Variants in ADGRV1 observed in about 807,000 individuals in gnomAD.
ADGRV1 encodes G-protein coupled receptor 98.
ADGRV1 carries 359 observed loss-of-function variants against 596.2 expected under a neutral mutation model. The ratio of observed to expected loss-of-function variants is 0.60; its 90% CI spans 0.55 to 0.66. ADGRV1 has a LOEUF of 0.66. Ranked by LOEUF, ADGRV1 falls within the 30% of genes least tolerant of loss-of-function variation. ADGRV1 has a pLI of 0.00. For synonymous variants in ADGRV1, 2,681 were observed against 2,679.2 expected (o/e 1.00, Z -0.02); for missense variants, 7,274 against 7,575.6 (o/e 0.96, Z 1.48).
intron 83 of ADGRV1, among the ~76,000 whole-genome samples, chr5:90,957,151 A>G (rs1311418004): frequency 2.0e-5 from 3 of 152,294 alleles, no homozygotes; most frequent in Non-Finnish European, 4.4e-5. Context: ...GCAGGAAAAA[A>G]GTCTTTCCTT....
At chr5:90,988,047 A>G (rs1780639587) in intron 85 of ADGRV1, among the ~76,000 whole-genome samples, 1 of 152,060 alleles carries the variant, frequency 6.6e-6, no homozygotes, top group South Asian at 2.1e-4. Context: ...TTTCTTCTCC[A>G]AGTATTAATA....
chr5:91,105,393 AT>A (rs904202804), intron 87 of ADGRV1, among the ~76,000 whole-genome samples: 1 of 151,882 alleles, frequency 6.6e-6, no homozygotes. Flanking sequence ...TCTATTGGCA[AT>A]TTTTTTTACG....
intron 33 of ADGRV1, 38 bp downstream of exon 33, chr5:90,694,739 T>C (rs1746966538): frequency 6.7e-7 from 1 of 1,485,786 alleles, no homozygotes; most frequent in Non-Finnish European, 9.0e-7. Flanking sequence ...GTTGCCCCAG[T>C]AAAGTCATCA....
At chr5:91,136,535 A>G (rs974337487) in intron 87 of ADGRV1, among the ~76,000 whole-genome samples, 1 of 152,262 alleles carries the variant, frequency 6.6e-6, no homozygotes, top group Non-Finnish European at 1.5e-5. Flanking sequence ...TCAATCAACC[A>G]GGTTAAGGAT....
intron 77 of ADGRV1, among the ~76,000 whole-genome samples, chr5:90,840,245 C>G (rs1765316156): frequency 6.6e-6 from 1 of 152,006 alleles, no homozygotes; most frequent in Non-Finnish European, 1.5e-5. Context: ...TTCCTGCATA[C>G]TTATATTTTA....
At chr5:90,969,905 G>A (rs942131204) in intron 84 of ADGRV1, among the ~76,000 whole-genome samples, 39 of 152,326 alleles carry the variant, frequency 2.6e-4, no homozygotes, top group African/African-American at 7.5e-4. Flanking sequence ...CCCACCGAGC[G>A]TGAGCCGAAG....
chr5:90,920,972 C>T (rs1364527257), intron 83 of ADGRV1, among the ~76,000 whole-genome samples: 1 of 152,066 alleles, frequency 6.6e-6, no homozygotes, highest in Non-Finnish European at 1.5e-5. Context: ...ATTTTGTTAT[C>T]AAATCATGTG....
chr5:90,851,134 T>TGAGAGAGAGAGAGA (rs141999531), intron 79 of ADGRV1, among the ~76,000 whole-genome samples: 2 of 81,510 alleles, frequency 2.5e-5, no homozygotes, highest in African/African-American at 3.7e-5. Context: ...TGTGTGTGTG[T>TGAGAGAGAGAGAGA]GAGAGAGAGA....
chr5:90,965,348 T>G, intron 83 of ADGRV1, 67 bp from the exon 84 acceptor site: 2 of 999,786 alleles, frequency 2.0e-6, no homozygotes, highest in Non-Finnish European at 1.6e-6. Flanking sequence ...AAGAAAGCAG[T>G]TTACTTTCTT....
At position 90,653,760 on chromosome 5, in the gene ADGRV1, C is replaced by G. The variant is rs1768998998; in HGVS notation, c.4186C>G (p.Leu1396Val). Residue 1396 changes from leucine to valine, a missense_variant, in exon 20 of 90, where the codon CTT (leucine) becomes GTT (valine). By Grantham distance (32) the Leu-to-Val change is conservative. Around this residue, in one of 5 missense-constraint regions of ADGRV1, gnomAD observed 1,715 missense variants for 1,708.8 expected, o/e 1.00. Coordinates refer to ENST00000405460, the MANE Select transcript of ADGRV1 (RefSeq NM_032119.4). ...ACAAACAAACGAATCCCATGTGACA[C>G]TTTCCCTTCATTATAAAACCTTGGG... Reference protein sequence around the residue: ...KIQTNESHVTLSLHYKTLGSN... With the variant: ...KIQTNESHVTVSLHYKTLGSN... 1 of 1,613,246 alleles carries G rather than the reference C, an allele frequency of 6.2e-7. No individual in the cohort carries two copies. Among genetic ancestry groups the G allele is most frequent in the East Asian group, 2.2e-5 (1 of 44,872 alleles).
intron 85 of ADGRV1, among the ~76,000 whole-genome samples, chr5:91,004,112 C>G (rs1782070142): frequency 1.3e-5 from 2 of 152,132 alleles, no homozygotes; most frequent in Admixed American, 1.3e-4. Context: ...CTTCAATCTT[C>G]TCTGTCAAAT....
intron 82 of ADGRV1, among the ~76,000 whole-genome samples, chr5:90,861,466 T>C (rs370726214): frequency 1.1e-4 from 16 of 152,052 alleles, no homozygotes; most frequent in Admixed American, 2.6e-4. Flanking sequence ...CGTGCCACCA[T>C]GCCCGGCTGA....
intron 50 of ADGRV1, among the ~76,000 whole-genome samples, chr5:90,737,536 C>T (rs1753401978): frequency 6.6e-6 from 1 of 151,746 alleles, no homozygotes; most frequent in Non-Finnish European, 1.5e-5. Context: ...TACTGGGGTC[C>T]CCTACTATTA....
intron 85 of ADGRV1, among the ~76,000 whole-genome samples, chr5:91,007,820 A>T (rs527829262): frequency 6.6e-6 from 1 of 152,136 alleles, no homozygotes; most frequent in African/African-American, 2.4e-5. Context: ...GTTCTTTGCC[A>T]CTTTTCTAAG....
At chr5:90,776,653 A>G in intron 61 of ADGRV1, 77 bp downstream of exon 61, 1 of 1,424,314 alleles carries the variant, frequency 7.0e-7, no homozygotes, top group Non-Finnish European at 9.9e-7. Flanking sequence ...TAAGTTTATC[A>G]TTCTCAATAC....
chr5:91,155,060 G>T (rs932134287), intron 89 of ADGRV1, among the ~76,000 whole-genome samples: 10 of 152,298 alleles, frequency 6.6e-5, no homozygotes, highest in Middle Eastern at 3.4e-3. Context: ...TCAGATTAGT[G>T]CTTAGAATAA....
intron 17 of ADGRV1, among the ~76,000 whole-genome samples, chr5:90,648,999 A>C (rs1430403065): frequency 6.6e-6 from 1 of 152,166 alleles, no homozygotes; most frequent in Admixed American, 6.6e-5. Context: ...CGATGAAGGA[A>C]TGATATTATT....
chr5:90,745,657 T>A lies in ADGRV1; in HGVS notation c.10836T>A (p.Asp3612Glu). 6.2e-7 allele frequency: 1 copy of A among 1,612,912 alleles called. No individual in the cohort carries two copies. Residue 3612 changes from aspartate to glutamate, a missense_variant, in exon 52 of 90, where the codon GAT becomes GAA. Coordinates refer to ENST00000405460, the MANE Select transcript of ADGRV1 (RefSeq NM_032119.4). ...CAATAGCAGTAAATATCCTTGATGA[T>A]ACAGTTCCAGAAAAAGAAGAATCCT... is the stretch of plus-strand genomic sequence containing the variant. Reference protein sequence around the residue: ...EATIAVNILDDTVPEKEESFK... With the variant: ...EATIAVNILDETVPEKEESFK...
chr5:90,744,976 A>G, intron 50 of ADGRV1, 70 bp from the exon 51 acceptor site: 1 of 1,074,750 alleles, frequency 9.3e-7, no homozygotes, highest in Non-Finnish European at 1.4e-6. Flanking sequence ...TTGCTTTGGA[A>G]CCGATGCAGG....
Sources: allele counts gnomAD v4.1 joint callset (sites outside exome capture counted in the v4.1 genomes callset), GRCh38; gene constraint gnomAD v4.1.1; regional missense constraint gnomAD v4.1.1; transcripts MANE v1.5; gene names NCBI Gene and HGNC (gene_info 2026-07-23, HGNC 2026-07-21).